KCNQ5: variants seen among roughly 807,000 people sequenced by gnomAD.
KCNQ5 encodes potassium voltage-gated channel subfamily Q member 5, also known as potassium voltage-gated channel subfamily KQT member 5.
A neutral mutation model predicts 98.2 loss-of-function variants in KCNQ5; 30 were observed. The observed-to-expected ratio is 0.31, with a 90% CI of 0.23 to 0.41. KCNQ5 has a LOEUF of 0.41. Among genes scored for constraint, KCNQ5 ranks in the 10% least tolerant of loss-of-function variants. KCNQ5 has a pLI of 1.00. For missense variants in KCNQ5, 835 were observed against 1,182.5 expected (o/e 0.71, Z 4.31); for synonymous variants, 458 against 449.4 (o/e 1.02, Z -0.24).
At chr6:73,171,375 C>T (rs867753011) in intron 11 of KCNQ5, among the ~76,000 whole-genome samples, 2 of 152,104 alleles carry the variant, frequency 1.3e-5, no homozygotes, top group African/African-American at 4.8e-5. Context: ...CCAGTTTGGA[C>T]AATCAATTAT....
In KCNQ5 at chr6:73,195,284, C is replaced by G. The variant is rs191250670; in HGVS notation, c.2669C>G (p.Pro890Arg). Residue 890 changes from proline (P) to arginine (R), a missense_variant, in exon 14 of 14, where the codon CCG becomes CGG. This residue lies in a region of KCNQ5 where 416 missense variants were observed against 446.9 expected (regional missense o/e 0.93). Coordinates refer to ENST00000370398, the MANE Select transcript of KCNQ5 (RefSeq NM_019842.4). The part of the protein sequence containing the change: ...ETETDTFDAA[P>R]QPAREAAFAS... The stretch of plus-strand genomic sequence containing the variant: ...GAGACAGACACTTTTGATGCCGCAC[C>G]GCAGCCTGCCAGGGAAGCTGCCTTT... 3 of 1,614,150 alleles carry G rather than the reference C, an allele frequency of 1.9e-6. No individual in the cohort carries two copies. The highest frequency in any genetic ancestry group is 2.5e-6 in the Non-Finnish European group (3 of 1,180,034).
At chr6:73,051,972 C>G (rs1772264055) in intron 3 of KCNQ5, among the ~76,000 whole-genome samples, 1 of 152,082 alleles carries the variant, frequency 6.6e-6, no homozygotes, top group Non-Finnish European at 1.5e-5. Context: ...AAAACCTAAT[C>G]CAGGGATTCT....
Position 73,197,299 on chromosome 6 carries a change from C to A in KCNQ5, c.*1885C>A, listed in dbSNP as rs370913882. 1 of 152,158 alleles carries A rather than the reference C, an allele frequency of 6.6e-6. No individual in the cohort carries two copies. Among genetic ancestry groups the A allele is most frequent in the South Asian group, 2.1e-4 (1 of 4,826 alleles). The allele number at this position is 152,158 out of a possible 1,614,324, so 9.4% of individuals were successfully genotyped here. A position where few individuals can be genotyped will look rare whatever the true frequency, so the allele number is the denominator to read the frequency against. On this transcript the variant is annotated 3_prime_UTR_variant, in exon 14 of 14. Coordinates refer to ENST00000370398, the MANE Select transcript of KCNQ5 (RefSeq NM_019842.4). ...GCTTTACCTAAAATGTGCTTCTCAA[C>A]CTTTTAGAACCTTGTCCCTTTTGAT... is the stretch of plus-strand genomic sequence containing the variant.
chr6:72,735,026 G>C (rs565391623), intron 1 of KCNQ5, among the ~76,000 whole-genome samples: 145 of 152,302 alleles, frequency 9.5e-4, no homozygotes, highest in African/African-American at 3.4e-3. Context: ...TGGCACAAGA[G>C]GAAGGCCATT....
In KCNQ5 at chr6:73,146,303, T is replaced by C. The variant is rs968549811; in HGVS notation, c.1468+12662T>C. On this transcript the variant is annotated intron_variant, in intron 10 of 13. Transcript: ENST00000370398. ...TGATTCAGAATGTTTCTCCCTAAGA[T>C]GAAGTACTGTTTTAGCTTAGAATGG... Among the ~76,000 whole-genome samples the C allele has an allele frequency of 3.9e-5, 6 of 152,244 alleles. 1 individual carries two copies.
At chr6:73,106,654 C>T (rs1390213550) in intron 6 of KCNQ5, among the ~76,000 whole-genome samples, 2 of 152,140 alleles carry the variant, frequency 1.3e-5, no homozygotes, top group Non-Finnish European at 2.9e-5. Flanking sequence ...TCCTAATGAC[C>T]TCGTTTTAAC....
At chr6:72,671,029 C>T (rs1767075828) in intron 1 of KCNQ5, among the ~76,000 whole-genome samples, 1 of 152,114 alleles carries the variant, frequency 6.6e-6, no homozygotes, top group Non-Finnish European at 1.5e-5. Context: ...ACCTTTTCTC[C>T]AAGTTTTTAT....
chr6:73,170,541 C>G (rs1444155320), intron 11 of KCNQ5, among the ~76,000 whole-genome samples: 1 of 131,436 alleles, frequency 7.6e-6, no homozygotes, highest in East Asian at 2.2e-4. Context: ...TTGTATTTGT[C>G]AAGGAATGCT....
At chr6:72,911,701 T>G (rs1415120446) in intron 1 of KCNQ5, among the ~76,000 whole-genome samples, 1 of 152,086 alleles carries the variant, frequency 6.6e-6, no homozygotes, top group Non-Finnish European at 1.5e-5. Flanking sequence ...GGGGCCAGCA[T>G]GGTAGCTGTC....
At chr6:72,927,589 T>C (rs1765485335) in intron 1 of KCNQ5, among the ~76,000 whole-genome samples, 1 of 152,098 alleles carries the variant, frequency 6.6e-6, no homozygotes, top group Non-Finnish European at 1.5e-5. Context: ...AGAAAATGGG[T>C]CAAGTAGATA....
intron 1 of KCNQ5, among the ~76,000 whole-genome samples, chr6:72,910,460 C>T (rs1324682998): frequency 6.6e-6 from 1 of 151,976 alleles, no homozygotes; most frequent in African/African-American, 2.4e-5. Context: ...ATGGACCATT[C>T]TCTTACCTAT....
At chr6:72,784,112 C>A (rs535773077) in intron 1 of KCNQ5, among the ~76,000 whole-genome samples, 4 of 152,312 alleles carry the variant, frequency 2.6e-5, no homozygotes, top group Admixed American at 2.6e-4. Flanking sequence ...CTCCTCGAAT[C>A]GTCAACCCTT....
intron 1 of KCNQ5, among the ~76,000 whole-genome samples, chr6:72,669,881 A>G (rs1050894855): frequency 1.3e-5 from 2 of 149,086 alleles, no homozygotes; most frequent in African/African-American, 4.9e-5. Context: ...TTAGTTGCTT[A>G]GTGTTCTCTT....
intron 1 of KCNQ5, among the ~76,000 whole-genome samples, chr6:72,652,424 G>T (rs1565058408): frequency 1.3e-5 from 2 of 151,216 alleles, no homozygotes; most frequent in Non-Finnish European, 3.0e-5. Flanking sequence ...TTTTCTCCTG[G>T]TTTTTCCCCC....
chr6:72,734,125 T>C (rs1488587582), intron 1 of KCNQ5, among the ~76,000 whole-genome samples: 1 of 152,216 alleles, frequency 6.6e-6, no homozygotes, highest in Non-Finnish European at 1.5e-5. Flanking sequence ...ATCTTGTTGA[T>C]ATTTAAAAAT....
chr6:72,662,628 G>A (rs933896433), intron 1 of KCNQ5, among the ~76,000 whole-genome samples: 4 of 151,396 alleles, frequency 2.6e-5, no homozygotes, highest in Admixed American at 6.6e-5. Context: ...CAATACCTAA[G>A]TAATATTTTT....
intron 10 of KCNQ5, among the ~76,000 whole-genome samples, chr6:73,145,544 A>G (rs1001989452): frequency 2.0e-5 from 3 of 152,200 alleles, no homozygotes; most frequent in African/African-American, 7.2e-5. Flanking sequence ...TACACTACAA[A>G]TATTCTCTCC....
At chr6:72,982,298 T>A (rs1013180834) in intron 1 of KCNQ5, among the ~76,000 whole-genome samples, 1 of 152,210 alleles carries the variant, frequency 6.6e-6, no homozygotes, top group African/African-American at 2.4e-5. Context: ...TAAGTCTCTT[T>A]GTAAGTCTCT....
intron 1 of KCNQ5, among the ~76,000 whole-genome samples, chr6:72,700,983 C>T (rs900013999): frequency 6.6e-6 from 1 of 152,230 alleles, no homozygotes; most frequent in African/African-American, 2.4e-5. Flanking sequence ...ACTCTTCTGA[C>T]ATGCGACTAC....
Sources: gnomAD v4.1 joint callset for allele counts (sites outside exome capture counted in the v4.1 genomes callset) on GRCh38, gnomAD v4.1.1 for gene constraint, gnomAD v4.1.1 regional missense constraint, MANE v1.5 for transcripts, NCBI Gene and HGNC (gene_info 2026-07-23, HGNC 2026-07-21) for gene names.